Variants in SUCLG2 observed in about 807,000 individuals in gnomAD.
SUCLG2 encodes the protein succinate-CoA ligase GDP-forming subunit beta.
SUCLG2 carries 42 observed loss-of-function variants against 47.9 expected under a neutral mutation model. That is an observed-to-expected ratio of 0.88 (90% confidence interval 0.69 to 1.14). SUCLG2 has a LOEUF of 1.14. Ranked by LOEUF, SUCLG2 falls within the 50% of genes most tolerant of loss-of-function variation. The probability of loss-of-function intolerance (pLI) is 0.00; values close to 1 mark genes in which losing one functional copy is unlikely to be tolerated. For synonymous variants in SUCLG2, 195 were observed against 197.3 expected, an observed-to-expected ratio of 0.99 and a Z score of 0.10; for missense variants, 571 against 525.9, an observed-to-expected ratio of 1.09 and a Z score of -0.84.
chr3:67,590,831 T>C (rs1322135979), intron 2 of SUCLG2, among the ~76,000 whole-genome samples: 1 of 152,190 alleles, frequency 6.6e-6, no homozygotes, highest in African/African-American at 2.4e-5. Context: ...CTCTTTACAT[T>C]TCTTCTCCAT....
chr3:67,601,516 G>C (rs1272990210), intron 2 of SUCLG2, among the ~76,000 whole-genome samples: 4 of 152,052 alleles, frequency 2.6e-5, no homozygotes, highest in Non-Finnish European at 5.9e-5. Flanking sequence ...CTGTTTTTCT[G>C]CATTTATAGC....
chr3:67,408,595 G>T (rs7645948), intron 9 of SUCLG2: 169 of 989,136 alleles, frequency 1.7e-4, no homozygotes, highest in East Asian at 2.1e-4. Flanking sequence ...AGCAGTCAGG[G>T]GAACCTAGGG....
intron 9 of SUCLG2, among the ~76,000 whole-genome samples, chr3:67,422,501 A>AAAAAAAAAAAAAAAAAAG (rs1703189796): frequency 3.4e-5 from 5 of 146,136 alleles, no homozygotes; most frequent in Non-Finnish European, 7.6e-5. Context: ...AAAAAAAAAA[A>AAAAAAAAAAAAAAAAAAG]AAGAACATTC....
At chr3:67,386,220 T>G (rs373308372) in intron 10 of SUCLG2, among the ~76,000 whole-genome samples, 2 of 151,560 alleles carry the variant, frequency 1.3e-5, no homozygotes. Context: ...TCCCAAGTAG[T>G]TGGGACTACA....
intron 6 of SUCLG2, among the ~76,000 whole-genome samples, chr3:67,510,967 T>C (rs1376218096): frequency 6.7e-6 from 1 of 149,806 alleles, no homozygotes; most frequent in Non-Finnish European, 1.5e-5. Flanking sequence ...CTCAGCTCAC[T>C]GCAACCTCCA....
At chr3:67,374,303 A>C (rs1263812154), downstream of SUCLG2, among the ~76,000 whole-genome samples, 1 of 152,218 alleles carries the variant, frequency 6.6e-6, no homozygotes, top group Non-Finnish European at 1.5e-5. Flanking sequence ...TTTTGTCCAC[A>C]CATAAAATTT....
At chr3:67,618,173 G>A (rs1208548357) in intron 1 of SUCLG2, among the ~76,000 whole-genome samples, 1 of 152,148 alleles carries the variant, frequency 6.6e-6, no homozygotes, top group East Asian at 1.9e-4. Flanking sequence ...TGTAATACAA[G>A]CATTTTGGGA....
intron 2 of SUCLG2, among the ~76,000 whole-genome samples, chr3:67,575,077 A>T (rs923165535): frequency 2.6e-5 from 4 of 152,226 alleles, no homozygotes; most frequent in Admixed American, 1.3e-4. Context: ...GATATAAAGA[A>T]ATAGAAACTT....
At chr3:67,579,640 G>A (rs1358782990) in intron 2 of SUCLG2, among the ~76,000 whole-genome samples, 3 of 152,202 alleles carry the variant, frequency 2.0e-5, no homozygotes, top group Non-Finnish European at 4.4e-5. Flanking sequence ...TAGGAGCACA[G>A]TGATATTCCA....
At chr3:67,427,516 T>C (rs1384551367) in intron 9 of SUCLG2, among the ~76,000 whole-genome samples, 1 of 152,004 alleles carries the variant, frequency 6.6e-6, no homozygotes, top group Non-Finnish European at 1.5e-5. Flanking sequence ...TAGGAAGAGG[T>C]TCCAAGATGG....
chr3:67,534,545 G>A (rs748458567), intron 2 of SUCLG2, among the ~76,000 whole-genome samples: 42 of 151,398 alleles, frequency 2.8e-4, no homozygotes, highest in Non-Finnish European at 5.8e-4. Context: ...TTTCATAACC[G>A]TTAATACACA....
chr3:67,557,221 A>G (rs750722113), intron 2 of SUCLG2, among the ~76,000 whole-genome samples: 2 of 152,192 alleles, frequency 1.3e-5, no homozygotes, highest in African/African-American at 2.4e-5. Context: ...TACCTCTACA[A>G]TACTCAGGTG....
chr3:67,422,546 C>G (rs1703192085), intron 9 of SUCLG2, among the ~76,000 whole-genome samples: 1 of 134,250 alleles, frequency 7.4e-6, no homozygotes, highest in African/African-American at 2.8e-5. Context: ...AATATGTGTA[C>G]AACTGTGTTG....
Position 67,364,693 on chromosome 3 carries a change from C to T in SUCLG2, c.1184-3925G>A, listed in dbSNP as rs73834597. On this transcript the variant is annotated intron_variant, in intron 10 of 10. Transcript: ENST00000493112. Reference sequence around the variant, plus strand: ...TCTGCTGGAGCAGAGTTAGAGGAAGCTGGCTCGAACAGATTTAAACAAGAT... The same window carrying T: ...TCTGCTGGAGCAGAGTTAGAGGAAGTTGGCTCGAACAGATTTAAACAAGAT... Among the ~76,000 whole-genome samples the T allele has an allele frequency of 3.0e-3, 462 of 152,300 alleles. 3 individuals carry two copies. The highest frequency in any genetic ancestry group is 0.011 in the African/African-American group (443 of 41,560).
chr3:67,501,165 T>C (rs1030182060), intron 7 of SUCLG2, among the ~76,000 whole-genome samples: 41 of 152,210 alleles, frequency 2.7e-4, no homozygotes, highest in Non-Finnish European at 5.6e-4. Context: ...TCATTGCATG[T>C]ATGTCTAAGT....
At chr3:67,507,371 C>T (rs1470988191) in intron 7 of SUCLG2, among the ~76,000 whole-genome samples, 2 of 152,106 alleles carry the variant, frequency 1.3e-5, no homozygotes, top group African/African-American at 4.8e-5. Flanking sequence ...CTGGGCTACT[C>T]TGAGACTACC....
intron 2 of SUCLG2, among the ~76,000 whole-genome samples, chr3:67,578,669 A>G (rs1707806134): frequency 6.6e-6 from 1 of 152,154 alleles, no homozygotes; most frequent in African/African-American, 2.4e-5. Context: ...GGGTGTCTCT[A>G]GAGAGGCCAT....
At chr3:67,555,682 CG>C (rs1272733206) in intron 2 of SUCLG2, among the ~76,000 whole-genome samples, 1 of 152,128 alleles carries the variant, frequency 6.6e-6, no homozygotes, top group African/African-American at 2.4e-5. Flanking sequence ...AACAAGAATT[CG>C]TAAGTCTTTG....
intron 2 of SUCLG2, among the ~76,000 whole-genome samples, chr3:67,546,477 G>C (rs1706864883): frequency 6.6e-6 from 1 of 152,172 alleles, no homozygotes; most frequent in South Asian, 2.1e-4. Flanking sequence ...GCTCACACCT[G>C]TAATCCCAGC....
Sources: gnomAD v4.1 joint callset for allele counts (sites outside exome capture counted in the v4.1 genomes callset) on GRCh38, gnomAD v4.1.1 for gene constraint, MANE v1.5 for transcripts, NCBI Gene and HGNC (gene_info 2026-07-23, HGNC 2026-07-21) for gene names.